Variants in ZNF667 observed in about 807,000 individuals in gnomAD.
ZNF667 encodes myocardial ischemic preconditioning upregulated 1 ortholog.
In ZNF667, 13 loss-of-function variants were observed where a neutral mutation model predicts 31.8. That is an observed-to-expected ratio of 0.41 (90% CI 0.27 to 0.65). The LOEUF (loss-of-function observed/expected upper bound fraction) is 0.65, where lower values mean the gene tolerates loss of function less well. Among genes scored for constraint, ZNF667 ranks in the 30% least tolerant of loss-of-function variants. ZNF667 has a pLI of 0.32. For synonymous variants in ZNF667, 228 were observed against 247.1 expected (o/e 0.92, Z 0.73); for missense variants, 642 against 725.6 (o/e 0.88, Z 1.32).
At chr19:56,463,109 G>A (rs956411311) in intron 3 of ZNF667, among the ~76,000 whole-genome samples, 3 of 152,116 alleles carry the variant, frequency 2.0e-5, no homozygotes, top group South Asian at 2.1e-4. Context: ...AGGCAGGGCC[G>A]GATCATGAAA....
At chr19:56,469,927 G>A (rs758922956) in intron 3 of ZNF667, 4 of 493,958 alleles carry the variant, frequency 8.1e-6, no homozygotes, top group African/African-American at 5.8e-5. Context: ...CTAAACCGGG[G>A]TAGGGGTATG....
chr19:56,449,285 C>G (rs1244761675), intron 6 of ZNF667: 1 of 440,720 alleles, frequency 2.3e-6, no homozygotes, highest in Non-Finnish European at 4.5e-6. Context: ...TCAAGACCAT[C>G]CGGGAAAACA....
intron 3 of ZNF667, among the ~76,000 whole-genome samples, chr19:56,465,681 C>T (rs1183456745): frequency 6.6e-6 from 1 of 152,162 alleles, no homozygotes; most frequent in Admixed American, 6.5e-5. Context: ...GACATTTGCC[C>T]CAAATGCCTG....
chr19:56,472,303 G>T (rs1014775770), intron 2 of ZNF667, 116 bp from the exon 3 acceptor site: 1 of 152,142 alleles, frequency 6.6e-6, no homozygotes, highest in Non-Finnish European at 1.5e-5. Context: ...CTATACAATG[G>T]GGTAAAGAAA....
intron 5 of ZNF667, 55 bp from the exon 6 acceptor site, chr19:56,458,302 A>G (rs1246098960): frequency 1.3e-6 from 2 of 1,498,170 alleles, no homozygotes; most frequent in African/African-American, 2.7e-5. Flanking sequence ...CACAGAAGTC[A>G]GAGCCACGCT....
In ZNF667 at chr19:56,439,436, T is replaced by C. The variant is rs1415332619; in HGVS notation, c.*1726A>G. 1.3e-5 allele frequency: 2 copies of C among 152,224 alleles called. No individual in the cohort carries two copies. The highest frequency in any genetic ancestry group is 2.9e-5 in the Non-Finnish European group (2 of 68,034). 9.4% of individuals were successfully genotyped at this position (152,224 alleles called of 1,614,324 possible). A position where few individuals can be genotyped will look rare whatever the true frequency, so the allele number is the denominator to read the frequency against. On this transcript the variant is annotated 3_prime_UTR_variant, in exon 7 of 7. Coordinates refer to ENST00000504904, the MANE Select transcript of ZNF667 (RefSeq NM_001321356.2). ...AACTGCTGACAGGAAAAGAACCCAG[T>C]AGATAAATCTAGGCTTTCCACTCCA...
At chr19:56,460,910 G>A in intron 4 of ZNF667, 95 bp from the exon 5 acceptor site, 1 of 1,307,874 alleles carries the variant, frequency 7.6e-7, no homozygotes, top group South Asian at 1.8e-5. Context: ...GGAGACACAA[G>A]GTACCAAGAA....
Position 56,441,866 on chromosome 19 carries a change from G to A in ZNF667, c.1129C>T (p.Leu377=), listed in dbSNP as rs1373980996. The change falls in exon 7 of 7, where the codon CTA becomes TTA. Residue 377 remains leucine, a synonymous_variant. Coordinates refer to ENST00000504904, the MANE Select transcript of ZNF667 (RefSeq NM_001321356.2). The surrounding 1 kb of genome is among the most constrained non-coding windows in gnomAD (Gnocchi z 4.2). ...AGTTTTTCTCCATTATGAATTCTTAGATGCAGAATAAGGGTTGAAAGCCGC... is the reference window on the plus strand; with the variant it reads ...AGTTTTTCTCCATTATGAATTCTTAAATGCAGAATAAGGGTTGAAAGCCGC... The part of the protein sequence containing the change: ...FRRLSTLILH[L]RIHNGEKLYR... 5 of 1,614,112 alleles carry A rather than the reference G, an allele frequency of 3.1e-6. No homozygotes were observed. The highest frequency in any genetic ancestry group is 4.2e-6 in the Non-Finnish European group (5 of 1,180,016).
At chr19:56,458,462 G>C (rs1420911342) in intron 5 of ZNF667, among the ~76,000 whole-genome samples, 1 of 152,156 alleles carries the variant, frequency 6.6e-6, no homozygotes, top group African/African-American at 2.4e-5. Flanking sequence ...CTTAAACCCT[G>C]GGAATCTCCT....
chr19:56,456,388 G>A (rs1428141328), intron 6 of ZNF667, among the ~76,000 whole-genome samples: 1 of 152,182 alleles, frequency 6.6e-6, no homozygotes, highest in Non-Finnish European at 1.5e-5. Flanking sequence ...GTGTCCCTGT[G>A]CAGTCACACA....
chr19:56,442,188 T>C lies in ZNF667; in HGVS notation c.807A>G (p.Leu269=). Residue 269 remains leucine (L), a synonymous_variant, in exon 7 of 7, where the codon TTA becomes TTG. Coordinates refer to ENST00000504904, the MANE Select transcript of ZNF667 (RefSeq NM_001321356.2). ...TTCCATTGTGAATTTTCTTATGAAG[T>C]AAAAGGGATGACATCTGATTGAAGG... is the stretch of plus-strand genomic sequence containing the variant. The part of the protein sequence containing the change: ...GKAFNQMSSL[L]LHKKIHNGKK... 3 of 1,613,944 alleles carry C rather than the reference T, an allele frequency of 1.9e-6. No individual in the cohort carries two copies. Among genetic ancestry groups the C allele is most frequent in the Non-Finnish European group, 2.5e-6 (3 of 1,179,966 alleles).
intron 6 of ZNF667, among the ~76,000 whole-genome samples, chr19:56,453,723 A>G (rs1386390148): frequency 6.6e-6 from 1 of 152,232 alleles, no homozygotes; most frequent in Non-Finnish European, 1.5e-5. Context: ...CATGGCTAGT[A>G]TAATACTGAA....
chr19:56,472,523 G>A (rs34993492), intron 2 of ZNF667: 57,998 of 151,762 alleles, frequency 0.38, 11,673 homozygotes, highest in Middle Eastern at 0.53. Context: ...TCCCCCTTCC[G>A]GCTCCTCCAC....
In ZNF667 at chr19:56,442,737, C is replaced by A; in HGVS notation, c.258G>T (p.Ser86=). The change falls in exon 7 of 7, where the codon TCG becomes TCT. Residue 86 remains serine, a synonymous_variant. Transcript: ENST00000504904. ...EPVRRRRAPD[S]GSKCETKKLP... The stretch of plus-strand genomic sequence containing the variant: ...ACTTCTTGGTCTCACATTTAGACCC[C>A]GAGTCTGAAAGACATAAAGGAATTA... 1 of 1,558,274 alleles carries A rather than the reference C, an allele frequency of 6.4e-7. No homozygotes were observed. The highest frequency in any genetic ancestry group is 8.6e-7 in the Non-Finnish European group (1 of 1,158,062).
In ZNF667 at chr19:56,441,842, G is replaced by A; in HGVS notation, c.1153C>T (p.Leu385=). The change falls in exon 7 of 7, where the codon CTA becomes TTA. Residue 385 remains leucine (L), a synonymous_variant. Transcript: ENST00000504904. This position sits in a 1 kb window ranked among gnomAD's most constrained non-coding sequence, Gnocchi z 4.2. ...LHLRIHNGEK[L]YRCNKCEKVC... ...TTCTCACATTTATTGCATCTGTATA[G>A]TTTTTCTCCATTATGAATTCTTAGA... 1 of 1,614,110 alleles carries A rather than the reference G, an allele frequency of 6.2e-7. No individual in the cohort carries two copies. The highest frequency in any genetic ancestry group is 8.5e-7 in the Non-Finnish European group (1 of 1,180,024).
At chr19:56,469,926 G>C (rs1253775264) in intron 3 of ZNF667, 1 of 494,076 alleles carries the variant, frequency 2.0e-6, no homozygotes, top group East Asian at 5.7e-5. Context: ...ACTAAACCGG[G>C]GTAGGGGTAT....
Position 56,440,477 on chromosome 19 carries a change from G to A in ZNF667, c.*685C>T. ...AAGTGGCACCCTGTTTTGCCGAGAA[G>A]TTCCTTATATTTGATAATTCTAGAT... On this transcript the variant is annotated 3_prime_UTR_variant, in exon 7 of 7. Transcript: ENST00000504904. The A allele has an allele frequency of 1.6e-6, 1 of 639,584 alleles. No homozygotes were observed. The highest frequency in any genetic ancestry group is 1.9e-6 in the Non-Finnish European group (1 of 514,230). The allele number at this position is 639,584 out of a possible 1,614,324, so 39.6% of individuals were successfully genotyped here.
chr19:56,441,703 T>C lies in ZNF667; in HGVS notation c.1292A>G (p.Lys431Arg). 6.2e-7 allele frequency: 1 copy of C among 1,614,172 alleles called. No homozygotes were observed. Among genetic ancestry groups the C allele is most frequent in the Non-Finnish European group, 8.5e-7 (1 of 1,180,014 alleles). Residue 431 changes from lysine to arginine, a missense_variant, in exon 7 of 7, where the codon AAA becomes AGA. Coordinates refer to ENST00000504904, the MANE Select transcript of ZNF667 (RefSeq NM_001321356.2). The surrounding 1 kb of genome is among the most constrained non-coding windows in gnomAD (Gnocchi z 4.2). ...TTCAGAATGAATATTCTGATGTATT[T>C]TAAGGTTTGCAGTTCCAGAAAACAT... ...GKMFSGTANL[K>R]IHQNIHSEEK...
rs557701491 is a variant in ZNF667 at position 56,451,422 on chromosome 19, C to T, written c.253+6733G>A. Among the ~76,000 whole-genome samples, 235 of 152,156 alleles carry T rather than the reference C, an allele frequency of 1.5e-3. 2 individuals carry two copies. The South Asian group carries it at 0.017, about 11-fold the overall frequency. ...TTCAGCATTGCACAAATCATCCAGA[C>T]AGAAAATCAACAAAGAAACATCGGA... On this transcript the variant is annotated intron_variant, in intron 6 of 6. Coordinates refer to ENST00000504904, the MANE Select transcript of ZNF667 (RefSeq NM_001321356.2).
Sources: gnomAD v4.1 joint callset for allele counts (sites outside exome capture counted in the v4.1 genomes callset) on GRCh38, gnomAD v4.1.1 for gene constraint, Gnocchi (gnomAD v3.1) non-coding constraint, MANE v1.5 for transcripts, NCBI Gene and HGNC (gene_info 2026-07-23, HGNC 2026-07-21) for gene names.